Variants in UBE2G1 observed in about 807,000 individuals in gnomAD.
The protein encoded by UBE2G1 is ubiquitin-conjugating enzyme E2 G1.
Under a neutral mutation model 22.7 loss-of-function variants are expected in UBE2G1, and 5 were observed. That is an observed-to-expected ratio of 0.22 (90% confidence interval 0.12 to 0.46). UBE2G1 has a LOEUF of 0.46. Ranked by LOEUF, UBE2G1 falls within the 20% of genes least tolerant of loss-of-function variation. UBE2G1 has a pLI of 0.99. For missense variants in UBE2G1, 88 were observed against 203.9 expected (o/e 0.43, Z 3.46); for synonymous variants, 74 against 67.5 (o/e 1.10, Z -0.47).
At chr17:4,334,921 A>C (rs1237137996) in intron 1 of UBE2G1, among the ~76,000 whole-genome samples, 1 of 152,172 alleles carries the variant, frequency 6.6e-6, no homozygotes, top group Non-Finnish European at 1.5e-5. Flanking sequence ...ATAAAATTGA[A>C]TGAAGTACTG....
At chr17:4,363,986 CGGGCACGGT>C (rs1434939940) in intron 1 of UBE2G1, among the ~76,000 whole-genome samples, 1 of 142,604 alleles carries the variant, frequency 7.0e-6, no homozygotes, top group African/African-American at 2.6e-5. Flanking sequence ...AAGATGCAGA[CGGGCACGGT>C]GGCTCACGCC....
At chr17:4,330,190 G>A (rs1969555679) in intron 1 of UBE2G1, among the ~76,000 whole-genome samples, 1 of 152,046 alleles carries the variant, frequency 6.6e-6, no homozygotes, top group Non-Finnish European at 1.5e-5. Flanking sequence ...ATAGTATGGG[G>A]CAACAGGAGA....
At chr17:4,347,350 T>C (rs1969789123) in intron 1 of UBE2G1, among the ~76,000 whole-genome samples, 1 of 152,168 alleles carries the variant, frequency 6.6e-6, no homozygotes, top group South Asian at 2.1e-4. Context: ...GCACTTCAGT[T>C]ACTGTGTTTT....
intron 5 of UBE2G1, among the ~76,000 whole-genome samples, chr17:4,274,913 C>T (rs572680788): frequency 0.068 from 210 of 3,074 alleles, 1 homozygote; most frequent in Admixed American, 0.087. Context: ...TAGCCAGCCA[C>T]GGTGGCACAT....
chr17:4,344,258 C>T (rs376431651), intron 1 of UBE2G1, among the ~76,000 whole-genome samples: 6 of 152,098 alleles, frequency 3.9e-5, no homozygotes, highest in Non-Finnish European at 5.9e-5. Context: ...TCAAGAAGCC[C>T]GGCCGGGCGC....
At chr17:4,328,383 G>A (rs1310322223) in intron 1 of UBE2G1, among the ~76,000 whole-genome samples, 4 of 152,102 alleles carry the variant, frequency 2.6e-5, no homozygotes, top group Non-Finnish European at 5.9e-5. Context: ...CTTTACTACC[G>A]TATGCATACA....
intron 4 of UBE2G1, among the ~76,000 whole-genome samples, chr17:4,284,135 CG>C (rs1204479179): frequency 2.2e-5 from 3 of 136,824 alleles, no homozygotes; most frequent in African/African-American, 8.1e-5. Context: ...CCAGCCTGAG[CG>C]ACAGAGCGAG....
chr17:4,276,400 C>T (rs1429100045), intron 5 of UBE2G1, among the ~76,000 whole-genome samples: 1 of 152,008 alleles, frequency 6.6e-6, no homozygotes, highest in Non-Finnish European at 1.5e-5. Flanking sequence ...AAACTCCCAC[C>T]CACCGATCTT....
chr17:4,295,338 G>A (rs1012939745), intron 3 of UBE2G1, among the ~76,000 whole-genome samples: 1 of 152,100 alleles, frequency 6.6e-6, no homozygotes, highest in African/African-American at 2.4e-5. Flanking sequence ...TATCTTTTAC[G>A]ATCACTGCTG....
chr17:4,308,339 G>A (rs751663437), intron 1 of UBE2G1, among the ~76,000 whole-genome samples: 2 of 150,742 alleles, frequency 1.3e-5, no homozygotes, highest in Non-Finnish European at 3.0e-5. Flanking sequence ...GGCAACAAGG[G>A]CAAAACTCTG....
chr17:4,276,849 A>G (rs573820822), intron 5 of UBE2G1, among the ~76,000 whole-genome samples: 94 of 152,338 alleles, frequency 6.2e-4, no homozygotes, highest in African/African-American at 2.2e-3. Flanking sequence ...GTTGAAACAA[A>G]GGCCTCAGTC....
At chr17:4,324,614 C>T (rs1375756702) in intron 1 of UBE2G1, among the ~76,000 whole-genome samples, 1 of 152,028 alleles carries the variant, frequency 6.6e-6, no homozygotes, top group Non-Finnish European at 1.5e-5. Context: ...ATAGGGGTCT[C>T]ACTATATTGT....
At chr17:4,283,845 A>G (rs1445267171) in intron 4 of UBE2G1, among the ~76,000 whole-genome samples, 1 of 152,078 alleles carries the variant, frequency 6.6e-6, no homozygotes. Flanking sequence ...ATCTGAGAAG[A>G]GCCTGAATAA....
chr17:4,313,876 G>A (rs1399954284), intron 1 of UBE2G1, among the ~76,000 whole-genome samples: 1 of 152,100 alleles, frequency 6.6e-6, no homozygotes, highest in Non-Finnish European at 1.5e-5. Flanking sequence ...TACAAGCCAT[G>A]AATAAAAAGG....
intron 4 of UBE2G1, among the ~76,000 whole-genome samples, chr17:4,286,479 G>A (rs1968965292): frequency 6.6e-6 from 1 of 151,616 alleles, no homozygotes. Context: ...CAACTAACTA[G>A]TTAAATCAGA....
chr17:4,364,611 C>T (rs1401803950), intron 1 of UBE2G1, among the ~76,000 whole-genome samples: 3 of 142,262 alleles, frequency 2.1e-5, no homozygotes, highest in Middle Eastern at 4.4e-3. Context: ...AACAGAGTCT[C>T]GCTCTGTTGC....
At chr17:4,286,563 A>G (rs8068219) in intron 4 of UBE2G1, among the ~76,000 whole-genome samples, 351 of 152,266 alleles carry the variant, frequency 2.3e-3, no homozygotes, top group Non-Finnish European at 2.6e-3. Flanking sequence ...ACTAGAACTC[A>G]TATTTGCATA....
intron 1 of UBE2G1, among the ~76,000 whole-genome samples, chr17:4,309,969 A>G (rs1180936586): frequency 1.3e-5 from 2 of 152,214 alleles, no homozygotes; most frequent in Admixed American, 1.3e-4. Flanking sequence ...TACAGGCATA[A>G]TTGTGTCCTT....
chr17:4,354,083 G>C (rs901660116), intron 1 of UBE2G1, among the ~76,000 whole-genome samples: 2 of 152,048 alleles, frequency 1.3e-5, no homozygotes, highest in East Asian at 3.8e-4. Flanking sequence ...ACTTCTTTCA[G>C]CATAAACTTT....
Sources: gnomAD v4.1 joint callset for allele counts (sites outside exome capture counted in the v4.1 genomes callset) on GRCh38, gnomAD v4.1.1 for gene constraint, MANE v1.5 for transcripts, NCBI Gene and HGNC (gene_info 2026-07-23, HGNC 2026-07-21) for gene names.